PRKCA: variants seen among roughly 807,000 people sequenced by gnomAD.
PRKCA encodes the protein protein kinase C alpha.
PRKCA carries 27 observed loss-of-function variants against 87.0 expected under a neutral mutation model. The ratio of observed to expected loss-of-function variants is 0.31; its 90% confidence interval spans 0.23 to 0.43. The LOEUF (loss-of-function observed/expected upper bound fraction) is 0.43. PRKCA is among the 20% of genes least tolerant of loss of function. The pLI, the probability that PRKCA is intolerant of heterozygous loss-of-function variation, is 1.00. For synonymous variants in PRKCA, 329 were observed against 311.1 expected (o/e 1.06, Z -0.61); for missense variants, 518 against 852.3 (o/e 0.61, Z 4.88).
intron 2 of PRKCA, among the ~76,000 whole-genome samples, chr17:66,368,617 C>T (rs528341305): frequency 4.6e-4 from 69 of 151,598 alleles, no homozygotes; most frequent in Non-Finnish European, 7.8e-4. Flanking sequence ...GTCTCGAACT[C>T]CTGAGCTCAA....
intron 2 of PRKCA, among the ~76,000 whole-genome samples, chr17:66,492,664 G>A (rs1018549837): frequency 1.3e-5 from 2 of 152,236 alleles, no homozygotes; most frequent in Non-Finnish European, 2.9e-5. Context: ...TCTTATTCCA[G>A]TGGATGAAAG....
At chr17:66,685,072 G>C (rs1972589616) in intron 5 of PRKCA, among the ~76,000 whole-genome samples, 1 of 152,086 alleles carries the variant, frequency 6.6e-6, no homozygotes. Flanking sequence ...AGTCCCCTGG[G>C]GGCCTCCAAC....
At chr17:66,574,539 C>A (rs147766079) in intron 3 of PRKCA, among the ~76,000 whole-genome samples, 1 of 152,212 alleles carries the variant, frequency 6.6e-6, no homozygotes, top group African/African-American at 2.4e-5. Flanking sequence ...TCCAGGGACC[C>A]CCGTGGAAGC....
chr17:66,349,135 C>T (rs1471393978), intron 2 of PRKCA, among the ~76,000 whole-genome samples: 1 of 152,196 alleles, frequency 6.6e-6, no homozygotes, highest in Non-Finnish European at 1.5e-5. Flanking sequence ...TTGCTCTCTT[C>T]CTGTCCATAA....
chr17:66,511,862 G>A (rs1203665007), intron 3 of PRKCA, among the ~76,000 whole-genome samples: 4 of 151,826 alleles, frequency 2.6e-5, no homozygotes, highest in Non-Finnish European at 4.4e-5. Context: ...TGTATTTTTA[G>A]TGGAGACAGG....
chr17:66,634,795 T>C (rs1398450827), intron 3 of PRKCA, among the ~76,000 whole-genome samples: 1 of 152,200 alleles, frequency 6.6e-6, no homozygotes, highest in Non-Finnish European at 1.5e-5. Context: ...AGAGATAAAG[T>C]TAATACTTAA....
intron 2 of PRKCA, among the ~76,000 whole-genome samples, chr17:66,315,803 G>A (rs1905285877): frequency 6.6e-6 from 1 of 152,130 alleles, no homozygotes. Context: ...CAATTCAGTA[G>A]CACTTAATGT....
chr17:66,419,051 A>C (rs1236757975), intron 2 of PRKCA, among the ~76,000 whole-genome samples: 1 of 151,780 alleles, frequency 6.6e-6, no homozygotes, highest in East Asian at 1.9e-4. Context: ...GAGCCACTGC[A>C]CCTGGCCTCA....
At chr17:66,610,571 T>C (rs1970331681) in intron 3 of PRKCA, among the ~76,000 whole-genome samples, 4 of 152,114 alleles carry the variant, frequency 2.6e-5, no homozygotes, top group Admixed American at 2.6e-4. Flanking sequence ...AGGGATTAGC[T>C]CTGTTTCAGG....
At chr17:66,536,923 C>T (rs765960179) in intron 3 of PRKCA, among the ~76,000 whole-genome samples, 210 of 152,172 alleles carry the variant, frequency 1.4e-3, no homozygotes, top group Non-Finnish European at 2.8e-3. Context: ...GGGGCTTGGT[C>T]TTACAGAGCT....
intron 3 of PRKCA, among the ~76,000 whole-genome samples, chr17:66,606,631 T>C (rs574577748): frequency 2.6e-5 from 4 of 152,334 alleles, no homozygotes; most frequent in African/African-American, 4.8e-5. Flanking sequence ...TTCTCACATA[T>C]TTAATTAGCA....
In PRKCA at chr17:66,575,471, T is replaced by G. The variant is rs113635521; in HGVS notation, c.289-65884T>G. On this transcript the variant is annotated intron_variant, in intron 3 of 16. Coordinates refer to ENST00000413366, the MANE Select transcript of PRKCA (RefSeq NM_002737.3). ...GGCGCACACCTGTAATCCCAGCTAC[T>G]CGGGAGGCTGAGGCAGGAGAATCAC... 4.1e-4 allele frequency among the ~76,000 whole-genome samples: 63 copies of G among 152,208 alleles called. 3 individuals carry two copies. Among genetic ancestry groups the G allele is most frequent in the Admixed American group, 1.2e-3 (19 of 15,290 alleles).
In PRKCA at chr17:66,587,891, GTGTGTATATATATATATA is replaced by G. The variant is rs1480758974; in HGVS notation, c.289-53462_289-53445del. 1.0e-3 allele frequency among the ~76,000 whole-genome samples: 91 copies of G among 87,126 alleles called. 1 individual carries two copies. Among genetic ancestry groups the G allele is most frequent in the Middle Eastern group, 5.1e-3 (1 of 198 alleles). 57.2% of individuals were successfully genotyped at this position (87,126 alleles called of 152,430 possible). A position where few individuals can be genotyped will look rare whatever the true frequency, so the allele number is the denominator to read the frequency against. Reference sequence around the variant, plus strand: ...TGTATGTGTGTGTGTGTGTGTGTGTGTGTGTATATATATATATATATATATATATATATATATATATCC... The same window carrying G: ...TGTATGTGTGTGTGTGTGTGTGTGTGTATATATATATATATATATATATCC... On this transcript the variant is annotated intron_variant, in intron 3 of 16. Transcript: ENST00000413366.
intron 8 of PRKCA, among the ~76,000 whole-genome samples, chr17:66,722,416 A>C (rs1173080376): frequency 6.6e-6 from 1 of 152,198 alleles, no homozygotes; most frequent in African/African-American, 2.4e-5. Context: ...TAGGGAGCTG[A>C]ATGTGGAGAG....
At chr17:66,781,887 AGTGTGTGTG>A in intron 14 of PRKCA, among the ~76,000 whole-genome samples, 1 of 125,620 alleles carries the variant, frequency 8.0e-6, no homozygotes, top group East Asian at 2.3e-4. Context: ...ATATATATAT[AGTGTGTGTG>A]TGTGTGTGTG....
At chr17:66,378,771 C>G (rs1909619914) in intron 2 of PRKCA, among the ~76,000 whole-genome samples, 1 of 151,834 alleles carries the variant, frequency 6.6e-6, no homozygotes, top group Non-Finnish European at 1.5e-5. Flanking sequence ...CGTGGTGGCA[C>G]ATGGCTGTAA....
chr17:66,386,858 C>T (rs8069454), intron 2 of PRKCA, among the ~76,000 whole-genome samples: 33,144 of 151,962 alleles, frequency 0.22, 3,776 homozygotes, highest in Admixed American at 0.31. Context: ...CTTCCTCCTA[C>T]TTATCTTTAC....
intron 2 of PRKCA, among the ~76,000 whole-genome samples, chr17:66,442,997 C>A (rs550043012): frequency 6.6e-6 from 1 of 152,290 alleles, no homozygotes; most frequent in South Asian, 2.1e-4. Context: ...CCCTGGCCAT[C>A]GTCCCTTTTT....
chr17:66,489,352 C>CATATATAT (rs10529618), intron 2 of PRKCA, among the ~76,000 whole-genome samples: 133 of 98,930 alleles, frequency 1.3e-3, no homozygotes, highest in Middle Eastern at 6.2e-3. Context: ...CTTAGCAGTG[C>CATATATAT]ATATATATAT....
Sources: gnomAD v4.1 joint callset for allele counts (sites outside exome capture counted in the v4.1 genomes callset) on GRCh38, gnomAD v4.1.1 for gene constraint, MANE v1.5 for transcripts, NCBI Gene and HGNC (gene_info 2026-07-23, HGNC 2026-07-21) for gene names.